Variants in GADL1 observed in about 807,000 individuals in gnomAD.
The protein encoded by GADL1 is acidic amino acid decarboxylase GADL1.
Under a neutral mutation model 69.5 loss-of-function variants are expected in GADL1, and 71 were observed. The ratio of observed to expected loss-of-function variants is 1.02; its 90% CI spans 0.84 to 1.25. GADL1 has a LOEUF of 1.25. Ranked by LOEUF, GADL1 falls within the 50% of genes most tolerant of loss-of-function variation. The probability of loss-of-function intolerance (pLI) is 0.00; values close to 1 mark genes in which losing one functional copy is unlikely to be tolerated. For missense variants in GADL1, 737 were observed against 631.8 expected (o/e 1.17, Z -1.79); for synonymous variants, 254 against 214.4 (o/e 1.18, Z -1.62).
intron 12 of GADL1, among the ~76,000 whole-genome samples, chr3:30,792,018 C>A (rs1196199514): frequency 6.6e-6 from 1 of 152,120 alleles, no homozygotes; most frequent in Non-Finnish European, 1.5e-5. Context: ...TTATAAATTG[C>A]CCAGTCTCAG....
At chr3:30,824,288 T>A (rs1238716194) in intron 11 of GADL1, among the ~76,000 whole-genome samples, 2 of 150,970 alleles carry the variant, frequency 1.3e-5, no homozygotes, top group Admixed American at 6.6e-5. Flanking sequence ...AGAAAAAAAA[T>A]TAATTAGAAA....
chr3:30,756,637 T>G (rs1401097989), intron 14 of GADL1, among the ~76,000 whole-genome samples: 1 of 152,140 alleles, frequency 6.6e-6, no homozygotes, highest in Non-Finnish European at 1.5e-5. Flanking sequence ...ATACATTTGC[T>G]CTCGGAACAC....
Position 30,844,433 on chromosome 3 carries a change from GAA to G in GADL1, c.683_684del (p.Phe228SerfsTer6), listed in dbSNP as rs1698022143. On this transcript the variant is annotated frameshift_variant, in exon 7 of 15. Coordinates refer to ENST00000282538, the MANE Select transcript of GADL1 (RefSeq NM_207359.3). LOFTEE classifies it high-confidence loss of function. Reference protein sequence around the residue: ...CHYSMKKAASFLGIGTENVCF... With the variant: ...CHYSMKKAASXLGIGTENVCF... ...CAAACATTCTCAGTGCCAATCCCAA[GAA>G]AAGAGGCTGCCTTCTTCATAGAGTA... The G allele has an allele frequency of 1.2e-6, 2 of 1,613,240 alleles. No individual in the cohort carries two copies. The highest frequency in any genetic ancestry group is 1.3e-5 in the African/African-American group (1 of 75,022).
chr3:30,741,361 A>C (rs1286074652), intron 14 of GADL1, among the ~76,000 whole-genome samples: 1 of 151,512 alleles, frequency 6.6e-6, no homozygotes. Flanking sequence ...ATAGAGATAC[A>C]CTCCTACATC....
At chr3:30,812,077 A>G (rs1408658116) in intron 11 of GADL1, among the ~76,000 whole-genome samples, 1 of 152,154 alleles carries the variant, frequency 6.6e-6, no homozygotes, top group Non-Finnish European at 1.5e-5. Context: ...TATCTGACTT[A>G]CTTTTTTGCT....
intron 11 of GADL1, among the ~76,000 whole-genome samples, chr3:30,819,266 C>T (rs192175443): frequency 5.3e-5 from 8 of 151,816 alleles, no homozygotes; most frequent in Non-Finnish European, 1.0e-4. Context: ...AACTCTGAGG[C>T]CTGTTTATCT....
intron 14 of GADL1, 32 bp downstream of exon 14, chr3:30,778,146 CA>C (rs753683010): frequency 7.9e-7 from 1 of 1,259,908 alleles, no homozygotes; most frequent in South Asian, 1.2e-5. Flanking sequence ...TCTACTTCAT[CA>C]AAAAGAAAAA....
intron 1 of GADL1, among the ~76,000 whole-genome samples, chr3:30,879,673 C>A (rs1374421222): frequency 6.6e-6 from 1 of 151,914 alleles, no homozygotes; most frequent in Non-Finnish European, 1.5e-5. Flanking sequence ...ATCCTTCTTT[C>A]TCTTCTCATT....
intron 14 of GADL1, among the ~76,000 whole-genome samples, chr3:30,770,109 T>G (rs1160137986): frequency 6.6e-6 from 1 of 152,166 alleles, no homozygotes; most frequent in African/African-American, 2.4e-5. Context: ...GTTGTTCCCT[T>G]TAGCTGGGAC....
At chr3:30,775,198 ACT>A (rs1433886563) in intron 14 of GADL1, among the ~76,000 whole-genome samples, 1 of 152,032 alleles carries the variant, frequency 6.6e-6, no homozygotes, top group South Asian at 2.1e-4. Context: ...ATACCCTTCA[ACT>A]CTCCAGATTC....
chr3:30,874,958 C>T (rs1400939811), intron 1 of GADL1, among the ~76,000 whole-genome samples: 1 of 151,920 alleles, frequency 6.6e-6, no homozygotes, highest in African/African-American at 2.4e-5. Flanking sequence ...CTCACTCACA[C>T]AACTGCATCC....
intron 14 of GADL1, among the ~76,000 whole-genome samples, chr3:30,769,920 A>G (rs1318045174): frequency 2.2e-5 from 1 of 45,796 alleles, no homozygotes; most frequent in Non-Finnish European, 3.8e-5. Context: ...CAGGTAATCA[A>G]GGACTGACGA....
chr3:30,849,251 GC>G (rs1428154836), intron 6 of GADL1, among the ~76,000 whole-genome samples: 1 of 152,140 alleles, frequency 6.6e-6, no homozygotes, highest in Non-Finnish European at 1.5e-5. Context: ...CAGCAAATCT[GC>G]CCAGCTATCT....
At chr3:30,854,430 G>T (rs946841829) in intron 4 of GADL1, among the ~76,000 whole-genome samples, 5 of 152,032 alleles carry the variant, frequency 3.3e-5, no homozygotes, top group African/African-American at 1.2e-4. Flanking sequence ...GACTTTTCAT[G>T]CAAGAACAAA....
chr3:30,833,745 A>G, intron 11 of GADL1, 108 bp downstream of exon 11: 2 of 714,118 alleles, frequency 2.8e-6, no homozygotes, highest in South Asian at 1.6e-5. Context: ...AAACACCTTC[A>G]ATTTACGCCT....
rs368839773 is a variant in GADL1 at position 30,801,227 on chromosome 3, ACAAT to A, written c.1051-143_1051-140del. 211 of 649,722 alleles carry A rather than the reference ACAAT, an allele frequency of 3.2e-4. 1 individual carries two copies. The Middle Eastern group carries it at 3.8e-3, about 12-fold the overall frequency. The allele number at this position is 649,722 out of a possible 1,614,324, so 40.2% of individuals were successfully genotyped here. A position where few individuals can be genotyped will look rare whatever the true frequency, so the allele number is the denominator to read the frequency against. On this transcript the variant is annotated intron_variant, in intron 11 of 14. Coordinates refer to ENST00000282538, the MANE Select transcript of GADL1 (RefSeq NM_207359.3). ...TCACTTTGACTGCCTTACATCAGAC[ACAAT>A]CAGTGTACATTGACTTTCAGATACA...
chr3:30,809,345 T>C (rs1186118416), intron 11 of GADL1, among the ~76,000 whole-genome samples: 3 of 152,212 alleles, frequency 2.0e-5, no homozygotes, highest in Non-Finnish European at 4.4e-5. Flanking sequence ...ACTTATTTTT[T>C]ATAAAGGGTC....
At chr3:30,735,930 A>T (rs1575178113) in intron 14 of GADL1, among the ~76,000 whole-genome samples, 2 of 152,182 alleles carry the variant, frequency 1.3e-5, no homozygotes, top group Non-Finnish European at 2.9e-5. Flanking sequence ...AATATAATTC[A>T]TATGCAATCA....
intron 13 of GADL1, among the ~76,000 whole-genome samples, chr3:30,782,761 A>G (rs1696694215): frequency 1.3e-5 from 2 of 152,320 alleles, no homozygotes; most frequent in African/African-American, 2.4e-5. Flanking sequence ...TGAAAAGAAC[A>G]AGTCACATGG....
Sources: allele counts gnomAD v4.1 joint callset (sites outside exome capture counted in the v4.1 genomes callset), GRCh38; gene constraint gnomAD v4.1.1; transcripts MANE v1.5; gene names NCBI Gene and HGNC (gene_info 2026-07-23, HGNC 2026-07-21).